The following PDLIM3 variants were observed in gnomAD, a reference collection of about 807,000 sequenced individuals.
PDLIM3 encodes PDZ and LIM domain protein 3.
A neutral mutation model predicts 37.3 loss-of-function variants in PDLIM3; 36 were observed. That is an observed-to-expected ratio of 0.97 (90% CI 0.74 to 1.28). The LOEUF is 1.28. PDLIM3 is among the 50% of genes most tolerant of loss of function. The pLI, the probability that PDLIM3 is intolerant of heterozygous loss-of-function variation, is 0.00. For synonymous variants in PDLIM3, 174 were observed against 182.4 expected (o/e 0.95, Z 0.37); for missense variants, 454 against 485.0 (o/e 0.94, Z 0.60).
chr4:185,511,703 A>T (rs2095706831), intron 4 of PDLIM3, among the ~76,000 whole-genome samples: 1 of 152,198 alleles, frequency 6.6e-6, no homozygotes, highest in Non-Finnish European at 1.5e-5. Context: ...GTTCATTAAC[A>T]GTGTAGTTAC....
intron 4 of PDLIM3, chr4:185,513,949 G>C (rs1048266076): frequency 2.4e-6 from 3 of 1,235,850 alleles, no homozygotes; most frequent in Non-Finnish European, 3.1e-6. Flanking sequence ...TCCTGACCTG[G>C]GATAGACATA....
chr4:185,502,857 T>C (rs949940465), intron 7 of PDLIM3, among the ~76,000 whole-genome samples: 1 of 152,158 alleles, frequency 6.6e-6, no homozygotes, highest in African/African-American at 2.4e-5. Flanking sequence ...CGGGGGTGGT[T>C]GTCTACCCAA....
intron 4 of PDLIM3, chr4:185,513,189 G>A (rs1171504753): frequency 1.0e-6 from 1 of 985,522 alleles, no homozygotes; most frequent in Non-Finnish European, 1.2e-6. Context: ...GGGAAGATGT[G>A]TTTGCTCATG....
In PDLIM3 at chr4:185,514,251, C is replaced by G. The variant is rs1250848109; in HGVS notation, c.398+19G>C. The G allele has an allele frequency of 6.2e-7, 1 of 1,614,104 alleles. No homozygotes were observed. Among genetic ancestry groups the G allele is most frequent in the East Asian group, 2.2e-5 (1 of 44,898 alleles). On this transcript the variant is annotated intron_variant, in intron 4 of 7. Coordinates refer to ENST00000284767, the MANE Select transcript of PDLIM3 (RefSeq NM_014476.6). The surrounding 1 kb of genome is among the most constrained non-coding windows in gnomAD (Gnocchi z 4.0). Reference sequence around the variant, plus strand: ...TAAGAAGCATGCACTGCAAACTCCACAGTCTCAGCGCTTATGACCTGCTTC... The same window carrying G: ...TAAGAAGCATGCACTGCAAACTCCAGAGTCTCAGCGCTTATGACCTGCTTC...
Position 185,506,528 on chromosome 4 carries a change from C to A in PDLIM3, c.787G>T (p.Gly263Cys). 6.2e-7 allele frequency: 1 copy of A among 1,613,732 alleles called. No homozygotes were observed. The highest frequency in any genetic ancestry group is 8.5e-7 in the Non-Finnish European group (1 of 1,180,020). ...FRVLQGMVDDGSDDRPAGTRS... is the reference protein window; with the variant it reads ...FRVLQGMVDDCSDDRPAGTRS... ...GGTGTCAGCGGCTGCTCACCAGAGCCATCGTCCACCATTCCCTGGAGCACT... is the reference window on the plus strand; with the variant it reads ...GGTGTCAGCGGCTGCTCACCAGAGCAATCGTCCACCATTCCCTGGAGCACT... The change falls in exon 6 of 8, where the codon GGC becomes TGC. Residue 263 changes from glycine to cysteine, a missense_variant. Gly to Cys is a radical substitution (Grantham distance 159). Transcript: ENST00000284767.
chr4:185,534,434 T>C (rs1210098068), intron 1 of PDLIM3, among the ~76,000 whole-genome samples: 1 of 152,220 alleles, frequency 6.6e-6, no homozygotes, highest in African/African-American at 2.4e-5. Flanking sequence ...ATAACTGAAA[T>C]AATACATTAA....
rs2095687302 is a variant in PDLIM3, at chr4:185,501,721, T to C, written c.*573A>G. 6.4e-6 allele frequency: 1 copy of C among 155,278 alleles called. No homozygotes were observed. The highest frequency in any genetic ancestry group is 2.4e-5 in the African/African-American group (1 of 41,494). 9.6% of individuals were successfully genotyped at this position (155,278 alleles called of 1,614,324 possible). The stretch of plus-strand genomic sequence containing the variant: ...CTCTCATTGAAATGTTGATTTTATT[T>C]GAATTCAATGAATGCCACTTCATTA... On this transcript the variant is annotated 3_prime_UTR_variant, in exon 8 of 8. Transcript: ENST00000284767.
intron 3 of PDLIM3, chr4:185,517,376 T>TTTAAAA (rs1554038878): frequency 7.2e-6 from 1 of 138,464 alleles, no homozygotes. Flanking sequence ...TTTTTTTTTT[T>TTTAAAA]AAAGAAAGTA....
chr4:185,514,536 C>T lies in PDLIM3; in HGVS notation c.331-199G>A. The T allele has an allele frequency of 7.9e-7, 1 of 1,262,162 alleles. No individual in the cohort carries two copies. Among genetic ancestry groups the T allele is most frequent in the Non-Finnish European group, 1.1e-6 (1 of 903,376 alleles). 78.2% of individuals were successfully genotyped at this position (1,262,162 alleles called of 1,614,324 possible). On this transcript the variant is annotated intron_variant, in intron 3 of 7. Transcript: ENST00000284767. This position sits in a 1 kb window ranked among gnomAD's most constrained non-coding sequence, Gnocchi z 4.0. ...AACGGTCAGGCACTGGCGGATTGGA[C>T]CCCACAACAATTAGAACATGTTTTA...
intron 3 of PDLIM3, among the ~76,000 whole-genome samples, chr4:185,521,044 C>T (rs2095722883): frequency 1.5e-5 from 1 of 66,034 alleles, no homozygotes; most frequent in African/African-American, 2.8e-5. Context: ...GACTTTAATT[C>T]TTAAAAGCAC....
At chr4:185,503,476 C>T (rs1421953392) in intron 7 of PDLIM3, among the ~76,000 whole-genome samples, 1 of 152,192 alleles carries the variant, frequency 6.6e-6, no homozygotes, top group Non-Finnish European at 1.5e-5. Context: ...GGCTTATCCC[C>T]CACTGCCTTC....
chr4:185,512,828 T>C (rs1436925259), intron 4 of PDLIM3: 3 of 984,692 alleles, frequency 3.0e-6, no homozygotes, highest in Non-Finnish European at 2.4e-6. Context: ...TGTTTTGTTA[T>C]TGGGGTTGGG....
In PDLIM3 at chr4:185,504,377, G is replaced by T. The variant is rs2153331476; in HGVS notation, c.905+98C>A. 3.1e-6 allele frequency: 3 copies of T among 983,182 alleles called. No individual in the cohort carries two copies. Among genetic ancestry groups the T allele is most frequent in the Middle Eastern group, 2.1e-4 (1 of 4,870 alleles). The allele number at this position is 983,182 out of a possible 1,614,324, so 60.9% of individuals were successfully genotyped here. On this transcript the variant is annotated intron_variant, in intron 7 of 7. Coordinates refer to ENST00000284767, the MANE Select transcript of PDLIM3 (RefSeq NM_014476.6). The surrounding 1 kb of genome is among the most constrained non-coding windows in gnomAD (Gnocchi z 4.7). The stretch of plus-strand genomic sequence containing the variant: ...TTTCAAGTTGATGAATAGAAATTTG[G>T]TTTTCACAGTTGCCTTTAGTCTATA...
chr4:185,508,270 T>C (rs1561192141), intron 5 of PDLIM3, 29 bp downstream of exon 5: 1 of 1,610,692 alleles, frequency 6.2e-7, no homozygotes, highest in African/African-American at 1.3e-5. Context: ...TTAGTTAATA[T>C]GCCCATGGTT....
rs778768787 is a variant in PDLIM3, at chr4:185,504,529, C to T, written c.851G>A (p.Gly284Asp). ...CGGCATCCTCTGTGCCCCGCCTGAA[C>T]CGCCATGGACTTTCGTCACCGGAGC... ...VRAPVTKVHG[G>D]SGGAQRMPLC... The change falls in exon 7 of 8, where the codon GGT (glycine) becomes GAT (aspartate). Residue 284 changes from glycine (G) to aspartate (D), a missense_variant. Physicochemically the swap from Gly to Asp is moderately conservative, Grantham distance 94. Coordinates refer to ENST00000284767, the MANE Select transcript of PDLIM3 (RefSeq NM_014476.6). The surrounding 1 kb of genome is among the most constrained non-coding windows in gnomAD (Gnocchi z 4.7). 1.2e-6 allele frequency: 2 copies of T among 1,614,240 alleles called. No homozygotes were observed. The highest frequency in any genetic ancestry group is 1.7e-6 in the Non-Finnish European group (2 of 1,180,038).
Position 185,508,314 on chromosome 4 carries a change from TC to T in PDLIM3, c.646del (p.Glu216LysfsTer4). 1 of 1,614,148 alleles carries T rather than the reference TC, an allele frequency of 6.2e-7. No individual in the cohort carries two copies. The highest frequency in any genetic ancestry group is 8.5e-7 in the Non-Finnish European group (1 of 1,180,000). ...CTCATATTACCTCATCAAAGGTGTT[TC>T]CCCTAGGGCTGTTGAAACCTGACCC... ...LQGQVSTALG[E>X]TPLMSEPTAS... On this transcript the variant is annotated frameshift_variant, in exon 5 of 8. Transcript: ENST00000284767. LOFTEE classifies it high-confidence loss of function.
At position 185,525,488 on chromosome 4, in the gene PDLIM3, A is replaced by C. The variant is rs1209425416; in HGVS notation, c.94-317T>G. ...AATTATTTTTTATTTTTCATCACCC[A>C]GAAGTCTCTATTTGGGAATAGAGTT... On this transcript the variant is annotated intron_variant, in intron 1 of 7. Coordinates refer to ENST00000284767, the MANE Select transcript of PDLIM3 (RefSeq NM_014476.6). 2.0e-5 allele frequency among the ~76,000 whole-genome samples: 3 copies of C among 152,204 alleles called. 1 individual carries two copies. The highest frequency in any genetic ancestry group is 7.2e-5 in the African/African-American group (3 of 41,452).
In PDLIM3 at chr4:185,502,285, T is replaced by G; in HGVS notation, c.*9A>C. 1 of 1,613,582 alleles carries G rather than the reference T, an allele frequency of 6.2e-7. No individual in the cohort carries two copies. Among genetic ancestry groups the G allele is most frequent in the Non-Finnish European group, 8.5e-7 (1 of 1,179,542 alleles). ...TGGGTGCGTGCGTGCGTGCCACGCCTGCAGAGACTTAAGCTTTGGGATACA... is the reference window on the plus strand; with the variant it reads ...TGGGTGCGTGCGTGCGTGCCACGCCGGCAGAGACTTAAGCTTTGGGATACA... On this transcript the variant is annotated 3_prime_UTR_variant, in exon 8 of 8. Transcript: ENST00000284767.
At chr4:185,526,854 G>C (rs1385944941) in intron 1 of PDLIM3, among the ~76,000 whole-genome samples, 2 of 152,144 alleles carry the variant, frequency 1.3e-5, no homozygotes, top group Non-Finnish European at 2.9e-5. Context: ...TTTAGGTCTA[G>C]GTTCAAATGC....
Sources: gnomAD v4.1 joint callset for allele counts (sites outside exome capture counted in the v4.1 genomes callset) on GRCh38, gnomAD v4.1.1 for gene constraint, Gnocchi (gnomAD v3.1) non-coding constraint, MANE v1.5 for transcripts, NCBI Gene and HGNC (gene_info 2026-07-23, HGNC 2026-07-21) for gene names.